Variants in CDH12 observed in about 807,000 individuals in gnomAD.
CDH12 encodes the protein cadherin 12, also known as cadherin-12.
A neutral mutation model predicts 74.1 loss-of-function variants in CDH12; 41 were observed. The ratio of observed to expected loss-of-function variants is 0.55; its 90% CI spans 0.43 to 0.72. The LOEUF is 0.72. Ranked by LOEUF, CDH12 falls within the 30% of genes least tolerant of loss-of-function variation. CDH12 has a pLI of 0.00. For missense variants in CDH12, 945 were observed against 977.2 expected (o/e 0.97, Z 0.44); for synonymous variants, 399 against 355.0 (o/e 1.12, Z -1.39).
intron 1 of CDH12, among the ~76,000 whole-genome samples, chr5:22,786,593 T>A (rs1206940651): frequency 6.6e-6 from 1 of 152,198 alleles, no homozygotes; most frequent in Non-Finnish European, 1.5e-5. Flanking sequence ...GCACATGTGT[T>A]ATTGTATAGT....
chr5:21,948,509 C>T (rs1353249609), intron 6 of CDH12, among the ~76,000 whole-genome samples: 1 of 152,112 alleles, frequency 6.6e-6, no homozygotes, highest in Non-Finnish European at 1.5e-5. Context: ...ATTCCTGTAC[C>T]CTCATGGTAT....
chr5:22,555,875 C>CA (rs67119976), intron 1 of CDH12, among the ~76,000 whole-genome samples: 24,360 of 151,304 alleles, frequency 0.16, 2,513 homozygotes, highest in East Asian at 0.37. Flanking sequence ...CAATCAAGAC[C>CA]AAACAAGATA....
rs542570517 is a variant in CDH12, at chr5:21,961,495, CA to C, written c.526+13595del. 5.5e-4 allele frequency among the ~76,000 whole-genome samples: 83 copies of C among 151,606 alleles called. 1 individual carries two copies. In the South Asian group the frequency reaches 0.016, roughly 30 times the overall value. On this transcript the variant is annotated intron_variant, in intron 6 of 14. Coordinates refer to ENST00000382254, the MANE Select transcript of CDH12 (RefSeq NM_004061.5). The stretch of plus-strand genomic sequence containing the variant: ...GTGCGTTATGGGTTGAATTGTCTGC[CA>C]AAAAAAACATATGTTGAAGTCCTTA...
intron 6 of CDH12, among the ~76,000 whole-genome samples, chr5:21,875,413 G>T (rs1410983187): frequency 6.6e-6 from 1 of 152,138 alleles, no homozygotes; most frequent in Non-Finnish European, 1.5e-5. Flanking sequence ...TCAAAATGAT[G>T]GTTTAAATTC....
chr5:22,723,143 T>C (rs1743984271), intron 1 of CDH12, among the ~76,000 whole-genome samples: 1 of 152,208 alleles, frequency 6.6e-6, no homozygotes, highest in Non-Finnish European at 1.5e-5. Flanking sequence ...TTTCATTTTA[T>C]AGTCCTTTTC....
chr5:22,370,299 T>C (rs1425490000), intron 3 of CDH12, among the ~76,000 whole-genome samples: 1 of 152,162 alleles, frequency 6.6e-6, no homozygotes, highest in East Asian at 1.9e-4. Context: ...AAGTAGATCA[T>C]TAAAATTGGC....
chr5:22,124,729 T>C (rs1745743634), intron 4 of CDH12, among the ~76,000 whole-genome samples: 1 of 152,256 alleles, frequency 6.6e-6, no homozygotes, highest in South Asian at 2.1e-4. Flanking sequence ...TCCCTGGATC[T>C]GATCTTCACA....
At chr5:22,781,551 A>C (rs1747384569) in intron 1 of CDH12, among the ~76,000 whole-genome samples, 1 of 152,106 alleles carries the variant, frequency 6.6e-6, no homozygotes, top group African/African-American at 2.4e-5. Context: ...ATCTTCCTGC[A>C]TTTTAGTTCC....
intron 1 of CDH12, among the ~76,000 whole-genome samples, chr5:22,527,251 T>C (rs910687098): frequency 6.6e-6 from 1 of 152,120 alleles, no homozygotes. Context: ...CAAGGGGACT[T>C]GTCTTTTCCT....
chr5:22,316,365 A>C (rs542847396), intron 3 of CDH12, among the ~76,000 whole-genome samples: 2 of 152,248 alleles, frequency 1.3e-5, no homozygotes, highest in East Asian at 3.9e-4. Context: ...ATATGTTAAA[A>C]ATAAAAAGTT....
At chr5:22,153,905 C>CAA in intron 4 of CDH12, among the ~76,000 whole-genome samples, 1 of 75,150 alleles carries the variant, frequency 1.3e-5, no homozygotes, top group South Asian at 5.4e-4. Context: ...TATATATATA[C>CAA]ACACACATAC....
At chr5:22,714,254 G>A (rs779449948) in intron 1 of CDH12, among the ~76,000 whole-genome samples, 20 of 152,108 alleles carry the variant, frequency 1.3e-4, no homozygotes, top group Non-Finnish European at 1.8e-4. Context: ...CAGTTAACCC[G>A]TGACGTCTGA....
At chr5:22,609,841 G>C in intron 1 of CDH12, among the ~76,000 whole-genome samples, 1 of 152,192 alleles carries the variant, frequency 6.6e-6, no homozygotes, top group East Asian at 1.9e-4. Flanking sequence ...TTCTGTGTTA[G>C]AGTAAGTCAA....
intron 1 of CDH12, among the ~76,000 whole-genome samples, chr5:22,763,307 G>A (rs1746319254): frequency 6.6e-6 from 1 of 151,780 alleles, no homozygotes; most frequent in African/African-American, 2.4e-5. Context: ...AGTTTTCCTT[G>A]TTCAGATAAC....
At chr5:22,409,338 C>T (rs938350460) in intron 2 of CDH12, among the ~76,000 whole-genome samples, 3 of 151,896 alleles carry the variant, frequency 2.0e-5, no homozygotes, top group African/African-American at 7.3e-5. Context: ...TTTCTAAGGT[C>T]TGAGTGCATA....
intron 1 of CDH12, among the ~76,000 whole-genome samples, chr5:22,659,309 G>A (rs1441480488): frequency 1.3e-5 from 2 of 152,052 alleles, no homozygotes; most frequent in East Asian, 1.9e-4. Context: ...CCTCTATCTC[G>A]AAGCTTGGAT....
intron 1 of CDH12, among the ~76,000 whole-genome samples, chr5:22,524,192 G>C (rs1180202583): frequency 1.3e-5 from 2 of 151,870 alleles, no homozygotes; most frequent in Non-Finnish European, 2.9e-5. Flanking sequence ...CCATGTTGTT[G>C]CCCAGGCGTT....
intron 4 of CDH12, among the ~76,000 whole-genome samples, chr5:22,180,589 T>A (rs1003093072): frequency 6.6e-6 from 1 of 152,122 alleles, no homozygotes; most frequent in Non-Finnish European, 1.5e-5. Flanking sequence ...CTTAACTCAC[T>A]GCAACCTCTG....
At chr5:22,275,178 C>T (rs1002667841) in intron 3 of CDH12, among the ~76,000 whole-genome samples, 1 of 151,926 alleles carries the variant, frequency 6.6e-6, no homozygotes, top group African/African-American at 2.4e-5. Context: ...CTAATTCATG[C>T]AGGGCTTAAA....
Sources: allele counts gnomAD v4.1 joint callset (sites outside exome capture counted in the v4.1 genomes callset), GRCh38; gene constraint gnomAD v4.1.1; transcripts MANE v1.5; gene names NCBI Gene and HGNC (gene_info 2026-07-23, HGNC 2026-07-21).